ADAMTS17: variants seen among roughly 807,000 people sequenced by gnomAD.
ADAMTS17 encodes A disintegrin and metalloproteinase with thrombospondin motifs 17.
Under a neutral mutation model 141.5 loss-of-function variants are expected in ADAMTS17, and 113 were observed. The observed-to-expected ratio is 0.80, with a 90% CI of 0.69 to 0.93. The LOEUF is 0.93. ADAMTS17 is among the 40% of genes least tolerant of loss of function. The pLI, the probability that ADAMTS17 is intolerant of heterozygous loss-of-function variation, is 0.00. For missense variants in ADAMTS17, 1,659 were observed against 1,517.9 expected, an observed-to-expected ratio of 1.09 and a Z score of -1.54; for synonymous variants, 768 against 630.6, an observed-to-expected ratio of 1.22 and a Z score of -3.27.
intron 7 of ADAMTS17, among the ~76,000 whole-genome samples, chr15:100,205,308 G>A (rs2041494092): frequency 6.6e-6 from 1 of 152,122 alleles, no homozygotes; most frequent in Admixed American, 6.5e-5. Flanking sequence ...ATTGGCCCTG[G>A]GATTTACAAG....
intron 15 of ADAMTS17, 89 bp from the exon 16 acceptor site, chr15:100,054,143 G>C (rs2032369612): frequency 1.4e-6 from 2 of 1,478,868 alleles, no homozygotes; most frequent in East Asian, 4.5e-5. Context: ...GCCCCTGAGT[G>C]GGGCAGAGGT....
At chr15:100,222,183 G>A (rs541531041) in intron 7 of ADAMTS17, among the ~76,000 whole-genome samples, 1 of 152,290 alleles carries the variant, frequency 6.6e-6, no homozygotes, top group South Asian at 2.1e-4. Context: ...AGAACAAGGT[G>A]GACTGTGGTA....
At chr15:100,163,931 C>T (rs532435790) in intron 8 of ADAMTS17, among the ~76,000 whole-genome samples, 2 of 152,288 alleles carry the variant, frequency 1.3e-5, no homozygotes, top group East Asian at 1.9e-4. Context: ...GGGATAGAAG[C>T]GGCCATCATC....
intron 3 of ADAMTS17, among the ~76,000 whole-genome samples, chr15:100,318,900 A>G (rs960885933): frequency 1.3e-5 from 2 of 152,346 alleles, no homozygotes. Flanking sequence ...ACAGGGGTGC[A>G]GGGAAGTCTG....
intron 3 of ADAMTS17, among the ~76,000 whole-genome samples, chr15:100,300,234 G>A (rs2044981094): frequency 6.6e-6 from 1 of 152,078 alleles, no homozygotes; most frequent in African/African-American, 2.4e-5. Context: ...CCTCAAGATA[G>A]AAGAGGGAGA....
intron 7 of ADAMTS17, among the ~76,000 whole-genome samples, chr15:100,206,661 G>A (rs1001180663): frequency 6.6e-6 from 1 of 152,190 alleles, no homozygotes; most frequent in African/African-American, 2.4e-5. Context: ...GAGAAGAAGT[G>A]TGGTATGTTT....
At chr15:100,092,514 A>G (rs2035530800) in intron 15 of ADAMTS17, among the ~76,000 whole-genome samples, 1 of 152,218 alleles carries the variant, frequency 6.6e-6, no homozygotes, top group African/African-American at 2.4e-5. Context: ...AAAAAGAAAT[A>G]CGTTGTAATT....
At chr15:99,979,465 G>A (rs2060438032) in intron 20 of ADAMTS17, 1 of 152,202 alleles carries the variant, frequency 6.6e-6, no homozygotes, top group South Asian at 2.1e-4. Flanking sequence ...CACAAATGTG[G>A]TAGATGAAGG....
intron 18 of ADAMTS17, among the ~76,000 whole-genome samples, chr15:100,044,439 G>A (rs1009498137): frequency 2.0e-4 from 31 of 152,180 alleles, no homozygotes; most frequent in African/African-American, 7.0e-4. Flanking sequence ...TTACTCTGTT[G>A]TTAGACCCAT....
intron 14 of ADAMTS17, among the ~76,000 whole-genome samples, chr15:100,103,288 A>G (rs976452445): frequency 2.6e-5 from 4 of 152,206 alleles, no homozygotes; most frequent in African/African-American, 9.6e-5. Context: ...GGTGCAGGGA[A>G]GGGCAGCATG....
At chr15:100,027,269 T>C (rs1316321157) in intron 18 of ADAMTS17, among the ~76,000 whole-genome samples, 1 of 152,262 alleles carries the variant, frequency 6.6e-6, no homozygotes, top group East Asian at 1.9e-4. Flanking sequence ...TTTATTCTTT[T>C]ATTCTACTCT....
At chr15:100,157,392 T>C (rs960374759) in intron 8 of ADAMTS17, among the ~76,000 whole-genome samples, 1 of 152,216 alleles carries the variant, frequency 6.6e-6, no homozygotes, top group African/African-American at 2.4e-5. Flanking sequence ...CTAAGGCACT[T>C]ACATATAATG....
At chr15:100,101,581 A>G (rs2036104257) in intron 14 of ADAMTS17, among the ~76,000 whole-genome samples, 1 of 152,228 alleles carries the variant, frequency 6.6e-6, no homozygotes, top group South Asian at 2.1e-4. Flanking sequence ...CCATAAGCAC[A>G]TAGAGGACTG....
chr15:100,322,889 C>T (rs922061035), intron 3 of ADAMTS17, among the ~76,000 whole-genome samples: 1 of 151,984 alleles, frequency 6.6e-6, no homozygotes, highest in Admixed American at 6.6e-5. Context: ...AGATCAAGAC[C>T]ATCCTGGTCA....
At chr15:100,248,438 G>T (rs1233824201) in intron 7 of ADAMTS17, among the ~76,000 whole-genome samples, 1 of 152,152 alleles carries the variant, frequency 6.6e-6, no homozygotes, top group Non-Finnish European at 1.5e-5. Flanking sequence ...GTATGCATCT[G>T]GAAGAGGAAC....
At chr15:100,292,190 G>C (rs72757224) in intron 3 of ADAMTS17, among the ~76,000 whole-genome samples, 1 of 148,712 alleles carries the variant, frequency 6.7e-6, no homozygotes. Context: ...CGCTCACCCC[G>C]TGGGGAATCA....
intron 21 of ADAMTS17, 88 bp from the exon 22 acceptor site, chr15:99,974,650 G>C: frequency 1.9e-6 from 3 of 1,545,408 alleles, no homozygotes; most frequent in East Asian, 2.2e-5. Context: ...TGGTCTGACC[G>C]TCTGGGCTCC....
intron 18 of ADAMTS17, among the ~76,000 whole-genome samples, chr15:99,998,286 T>C (rs2060846483): frequency 6.6e-6 from 1 of 152,074 alleles, no homozygotes; most frequent in African/African-American, 2.4e-5. Flanking sequence ...GCTGTTGAGG[T>C]TGGCGTCTGA....
chr15:100,002,503 G>A (rs549325231), intron 18 of ADAMTS17, among the ~76,000 whole-genome samples: 1 of 152,156 alleles, frequency 6.6e-6, no homozygotes, highest in Admixed American at 6.5e-5. Context: ...ACACTGGGGG[G>A]ACGAGGGAAG....
Sources: gnomAD v4.1 joint callset for allele counts (sites outside exome capture counted in the v4.1 genomes callset) on GRCh38, gnomAD v4.1.1 for gene constraint, MANE v1.5 for transcripts, NCBI Gene and HGNC (gene_info 2026-07-23, HGNC 2026-07-21) for gene names.